ABLIM2: variants seen among roughly 807,000 people sequenced by gnomAD.
ABLIM2 encodes the protein actin-binding LIM protein 2.
ABLIM2 carries 53 observed loss-of-function variants against 97.7 expected under a neutral mutation model. The observed-to-expected ratio is 0.54, with a 90% CI of 0.44 to 0.68. The LOEUF is 0.68. ABLIM2 is among the 30% of genes least tolerant of loss of function. The probability of loss-of-function intolerance (pLI) is 0.00; values close to 1 mark genes in which losing one functional copy is unlikely to be tolerated. For synonymous variants in ABLIM2, 361 were observed against 345.8 expected, an observed-to-expected ratio of 1.04 and a Z score of -0.49; for missense variants, 835 against 867.2, an observed-to-expected ratio of 0.96 and a Z score of 0.47.
At chr4:8,000,817 G>A (rs1253359297) in intron 16 of ABLIM2, among the ~76,000 whole-genome samples, 1 of 152,142 alleles carries the variant, frequency 6.6e-6, no homozygotes, top group South Asian at 2.1e-4. Flanking sequence ...AGAGTCCATG[G>A]GGAGAAAAGC....
intron 20 of ABLIM2, among the ~76,000 whole-genome samples, chr4:7,978,363 T>C (rs1405025777): frequency 6.6e-6 from 1 of 152,192 alleles, no homozygotes; most frequent in African/African-American, 2.4e-5. Flanking sequence ...ATTAAAACCA[T>C]TACCCAGCTG....
At chr4:8,010,195 G>T (rs1764020477) in intron 14 of ABLIM2, among the ~76,000 whole-genome samples, 1 of 152,204 alleles carries the variant, frequency 6.6e-6, no homozygotes, top group African/African-American at 2.4e-5. Context: ...CTTTTTCTGG[G>T]GGGTTGTCAC....
chr4:8,143,179 A>G (rs1056653214), intron 1 of ABLIM2, among the ~76,000 whole-genome samples: 8 of 144,828 alleles, frequency 5.5e-5, no homozygotes, highest in Non-Finnish European at 1.2e-4. Context: ...GGGCGTCTGC[A>G]AATGCATCTC....
In ABLIM2 at chr4:8,106,637, A is replaced by T; in HGVS notation, c.11T>A (p.Val4Glu). 2 of 1,605,068 alleles carry T rather than the reference A, an allele frequency of 1.2e-6. No individual in the cohort carries two copies. Among genetic ancestry groups the T allele is most frequent in the Non-Finnish European group, 1.7e-6 (2 of 1,175,606 alleles). ...GCTGGGAGCAGCCTGGGGCTGCGAC[A>T]CTGTTGGGAAAGAGAGAAGAGCAGC... Reference protein sequence around the residue: MSAVSQPQAAPSPL... With the variant: MSAESQPQAAPSPL... Residue 4 changes from valine to glutamate, a missense_variant and splice_region_variant, in exon 2 of 21, where the codon GTG becomes GAG. Val to Glu is a moderately radical substitution (Grantham distance 121, BLOSUM62 -2). Coordinates refer to ENST00000447017, the MANE Select transcript of ABLIM2 (RefSeq NM_001130083.2).
rs200154513 is a variant in ABLIM2 at position 7,966,973 on chromosome 4, G to A, written c.*17C>T. On this transcript the variant is annotated 3_prime_UTR_variant, in exon 21 of 21. Coordinates refer to ENST00000447017, the MANE Select transcript of ABLIM2 (RefSeq NM_001130083.2). ...CCTCGGCGCCCGGCACACACCAGTG[G>A]GGCAGGCTGGCAGCCGTCAGAACAA... 114 of 1,596,060 alleles carry A rather than the reference G, an allele frequency of 7.1e-5. No homozygotes were observed. Among genetic ancestry groups the A allele is most frequent in the Non-Finnish European group, 6.4e-5 (75 of 1,168,056 alleles).
chr4:7,983,224 A>C, intron 20 of ABLIM2, 40 bp downstream of exon 20: 1 of 1,577,040 alleles, frequency 6.3e-7, no homozygotes, highest in African/African-American at 1.3e-5. Context: ...GGACTCTCGC[A>C]TGGGAAATGA....
rs1849235052 is a variant in ABLIM2, at chr4:8,130,698, A to C, written c.11-24061T>G. 6.6e-6 allele frequency among the ~76,000 whole-genome samples: 1 copy of C among 152,092 alleles called. No homozygotes were observed. Among genetic ancestry groups the C allele is most frequent in the Non-Finnish European group, 1.5e-5 (1 of 68,000 alleles). ...CCTGGAGGAGGGGGTATCAAAGTCC[A>C]GCTGTGAGATGGAGGAGGAATTAGC... On this transcript the variant is annotated intron_variant, in intron 1 of 20. Coordinates refer to ENST00000447017, the MANE Select transcript of ABLIM2 (RefSeq NM_001130083.2). The surrounding 1 kb of genome is among the most constrained non-coding windows in gnomAD (Gnocchi z 4.2).
chr4:8,070,050 T>C (rs952295434), intron 6 of ABLIM2, among the ~76,000 whole-genome samples: 2 of 152,046 alleles, frequency 1.3e-5, no homozygotes, highest in Admixed American at 6.6e-5. Context: ...TGTGTGTATG[T>C]ATCTGTGTAT....
intron 17 of ABLIM2, among the ~76,000 whole-genome samples, chr4:7,988,182 C>T (rs1161756742): frequency 1.3e-5 from 2 of 152,126 alleles, no homozygotes; most frequent in South Asian, 4.2e-4. Flanking sequence ...GTCACCATGC[C>T]TGGCTAATTT....
chr4:8,134,016 G>A (rs1849820635), intron 1 of ABLIM2, among the ~76,000 whole-genome samples: 1 of 152,216 alleles, frequency 6.6e-6, no homozygotes, highest in Admixed American at 6.5e-5. Flanking sequence ...GAACAGCGAG[G>A]TGAGTGCCCT....
In ABLIM2 at chr4:8,016,155, C is replaced by T. The variant is rs550768108; in HGVS notation, c.1423+3463G>A. 3.3e-5 allele frequency among the ~76,000 whole-genome samples: 5 copies of T among 150,684 alleles called. No homozygotes were observed. The East Asian group carries it at 9.8e-4, about 29-fold the overall frequency. ...TGCCTCCCGGGTTCAAGCGATTCTCCTGCCTCACCTCCCAAGTAGCTGGGA... is the reference window on the plus strand; with the variant it reads ...TGCCTCCCGGGTTCAAGCGATTCTCTTGCCTCACCTCCCAAGTAGCTGGGA... On this transcript the variant is annotated intron_variant, in intron 14 of 20. Coordinates refer to ENST00000447017, the MANE Select transcript of ABLIM2 (RefSeq NM_001130083.2).
chr4:8,126,321 G>T (rs1487266263), intron 1 of ABLIM2, among the ~76,000 whole-genome samples: 1 of 152,074 alleles, frequency 6.6e-6, no homozygotes, highest in East Asian at 1.9e-4. Context: ...AACATTTCAG[G>T]GGGAGGAGGG....
At chr4:8,078,497 G>T (rs2152422422) in intron 5 of ABLIM2, among the ~76,000 whole-genome samples, 1 of 152,336 alleles carries the variant, frequency 6.6e-6, no homozygotes, top group South Asian at 2.1e-4. Flanking sequence ...GGTCATCCCT[G>T]GCACAGCTCC....
At chr4:8,014,963 C>CA (rs1767819852) in intron 14 of ABLIM2, among the ~76,000 whole-genome samples, 1 of 151,102 alleles carries the variant, frequency 6.6e-6, no homozygotes, top group South Asian at 2.1e-4. Context: ...TTCTGTCACC[C>CA]AGGTTGGAGT....
rs899458071 is a variant in ABLIM2 at position 8,019,809 on chromosome 4, G to A, written c.1370-138C>T. ...CATCAGGCAGGAACTGGCACCCAGC[G>A]AGCGACAGACACCCAGGCCCCAGAT... On this transcript the variant is annotated intron_variant, in intron 13 of 20. Coordinates refer to ENST00000447017, the MANE Select transcript of ABLIM2 (RefSeq NM_001130083.2). The surrounding 1 kb of genome is among the most constrained non-coding windows in gnomAD (Gnocchi z 4.3). The A allele has an allele frequency of 2.2e-5, 18 of 835,732 alleles. No individual in the cohort carries two copies. The highest frequency in any genetic ancestry group is 7.8e-5 in the Admixed American group (3 of 38,416). The allele number at this position is 835,732 out of a possible 1,614,324, so 51.8% of individuals were successfully genotyped here. A position where few individuals can be genotyped will look rare whatever the true frequency, so the allele number is the denominator to read the frequency against.
At chr4:7,994,928 T>G (rs1752181957) in intron 16 of ABLIM2, among the ~76,000 whole-genome samples, 1 of 115,770 alleles carries the variant, frequency 8.6e-6, no homozygotes, top group Non-Finnish European at 2.1e-5. Flanking sequence ...CCTACTCATC[T>G]GACAAAGGGC....
At chr4:8,018,863 C>T (rs1771437758) in intron 14 of ABLIM2, among the ~76,000 whole-genome samples, 1 of 152,196 alleles carries the variant, frequency 6.6e-6, no homozygotes, top group African/African-American at 2.4e-5. Flanking sequence ...TATTCGATAT[C>T]CCATGAAGTT....
In ABLIM2 at chr4:8,097,126, G is replaced by T; in HGVS notation, c.311C>A (p.Pro104His). Residue 104 changes from proline to histidine, a missense_variant, in exon 3 of 21, where the codon CCC becomes CAC. Pro to His is a moderately conservative substitution (Grantham distance 77). Coordinates refer to ENST00000447017, the MANE Select transcript of ABLIM2 (RefSeq NM_001130083.2). ...GCAGACGGCACACACGAAGCAGTCG[G>T]GGTGGTAGGTCTTGCCCAGCGCCGA... ...VVSALGKTYH[P>H]DCFVCAVCRL... is the part of the protein sequence containing the mutation. 6 of 1,611,356 alleles carry T rather than the reference G, an allele frequency of 3.7e-6. No homozygotes were observed. The highest frequency in any genetic ancestry group is 1.7e-4 in the Middle Eastern group (1 of 6,050).
intron 14 of ABLIM2, among the ~76,000 whole-genome samples, chr4:8,017,334 A>C (rs1578757166): frequency 6.6e-6 from 1 of 150,630 alleles, no homozygotes; most frequent in Non-Finnish European, 1.5e-5. Flanking sequence ...TCACTCTGTC[A>C]CCCAGGCAGT....
Sources: gnomAD v4.1 joint callset for allele counts (sites outside exome capture counted in the v4.1 genomes callset) on GRCh38, gnomAD v4.1.1 for gene constraint, Gnocchi (gnomAD v3.1) non-coding constraint, MANE v1.5 for transcripts, NCBI Gene and HGNC (gene_info 2026-07-23, HGNC 2026-07-21) for gene names.